Variants in STXBP5L observed in about 807,000 individuals in gnomAD.
The protein encoded by STXBP5L is syntaxin binding protein 5L, also known as syntaxin-binding protein 5-like.
In STXBP5L, 65 loss-of-function variants were observed where a neutral mutation model predicts 144.5. The observed-to-expected ratio is 0.45, with a 90% confidence interval of 0.37 to 0.55. The LOEUF is 0.55. Ranked by LOEUF, STXBP5L falls within the 20% of genes least tolerant of loss-of-function variation. The pLI is 0.00. For missense variants in STXBP5L, 1,298 were observed against 1,405.5 expected (o/e 0.92, Z 1.22); for synonymous variants, 505 against 469.6 (o/e 1.08, Z -0.97).
intron 2 of STXBP5L, among the ~76,000 whole-genome samples, chr3:120,909,971 T>C (rs1306661894): frequency 6.6e-6 from 1 of 152,154 alleles, no homozygotes; most frequent in African/African-American, 2.4e-5. Flanking sequence ...AAGTGGGAAA[T>C]GAGCACACAC....
Position 120,933,052 on chromosome 3 carries a change from T to TG in STXBP5L, c.190-21882dup, listed in dbSNP as rs1710040194. Among the ~76,000 whole-genome samples, 3 of 59,668 alleles carry TG rather than the reference T, an allele frequency of 5.0e-5. No individual in the cohort carries two copies. In the Admixed American group the frequency reaches 6.9e-4, roughly 14 times the overall value. 39.1% of individuals were successfully genotyped at this position (59,668 alleles called of 152,430 possible). A position where few individuals can be genotyped will look rare whatever the true frequency, so the allele number is the denominator to read the frequency against. ...TCACACACCAGGGCCTGTTGTGGGGTGGGGGGAGGGGGAGGGATAGCATTA... is the reference window on the plus strand; with the variant it reads ...TCACACACCAGGGCCTGTTGTGGGGTGGGGGGGAGGGGGAGGGATAGCATTA... On this transcript the variant is annotated intron_variant, in intron 2 of 26. Coordinates refer to ENST00000471454, the MANE Select transcript of STXBP5L (RefSeq NM_001308330.2).
intron 3 of STXBP5L, among the ~76,000 whole-genome samples, chr3:121,020,954 C>A (rs956245647): frequency 6.6e-6 from 1 of 151,862 alleles, no homozygotes; most frequent in African/African-American, 2.4e-5. Context: ...CCTAATTTCT[C>A]CACTTGAAAG....
intron 20 of STXBP5L, among the ~76,000 whole-genome samples, chr3:121,329,600 C>T (rs2044257818): frequency 6.6e-6 from 1 of 152,184 alleles, no homozygotes; most frequent in Non-Finnish European, 1.5e-5. Context: ...GTGGCCCATG[C>T]CTGTAATCCC....
At chr3:121,194,707 C>G (rs1390668011) in intron 9 of STXBP5L, among the ~76,000 whole-genome samples, 3 of 151,912 alleles carry the variant, frequency 2.0e-5, no homozygotes, top group African/African-American at 7.3e-5. Flanking sequence ...CTGGGCTATT[C>G]TTTGTGAGAG....
At chr3:121,361,231 G>T (rs1364080579) in intron 20 of STXBP5L, among the ~76,000 whole-genome samples, 1 of 152,028 alleles carries the variant, frequency 6.6e-6, no homozygotes, top group Non-Finnish European at 1.5e-5. Context: ...CTTTATCCTT[G>T]ACTTTTGGGA....
At chr3:121,200,831 C>T (rs537051463) in intron 9 of STXBP5L, among the ~76,000 whole-genome samples, 1 of 152,298 alleles carries the variant, frequency 6.6e-6, no homozygotes, top group East Asian at 1.9e-4. Context: ...AATTTGATTG[C>T]ACTGTGGTCT....
At position 121,239,086 on chromosome 3, in the gene STXBP5L, G is replaced by T. The variant is rs908739628; in HGVS notation, c.1300G>T (p.Val434Phe). 1 of 1,594,454 alleles carries T rather than the reference G, an allele frequency of 6.3e-7. No individual in the cohort carries two copies. Residue 434 changes from valine to phenylalanine, a missense_variant, in exon 13 of 27, where the codon GTC becomes TTC. Physicochemically the swap from Val to Phe is conservative, Grantham distance 50 (BLOSUM62 -1). Transcript: ENST00000471454. ...DLILVLYSIGVKHKKQGYSNK... is the reference protein window; with the variant it reads ...DLILVLYSIGFKHKKQGYSNK... The stretch of plus-strand genomic sequence containing the variant: ...GATTCTAGTACTGTATTCTATAGGA[G>T]TCAAGCATAAAAAACAAGGATACAG...
intron 20 of STXBP5L, among the ~76,000 whole-genome samples, chr3:121,351,353 G>C (rs976959897): frequency 1.3e-5 from 2 of 152,118 alleles, no homozygotes; most frequent in Middle Eastern, 3.2e-3. Context: ...GCCGTGTCAG[G>C]TGTCAGTCTG....
At chr3:121,403,326 G>T (rs540012844) in intron 22 of STXBP5L, among the ~76,000 whole-genome samples, 1 of 152,222 alleles carries the variant, frequency 6.6e-6, no homozygotes, top group South Asian at 2.1e-4. Flanking sequence ...AATGGATAGA[G>T]GCTTGTGTGA....
intron 3 of STXBP5L, among the ~76,000 whole-genome samples, chr3:120,985,091 G>T (rs1444312414): frequency 6.6e-6 from 1 of 151,922 alleles, no homozygotes; most frequent in Non-Finnish European, 1.5e-5. Context: ...TCATGCCAGT[G>T]TTCATAAGGG....
At chr3:121,274,562 C>G (rs1219842680) in intron 18 of STXBP5L, among the ~76,000 whole-genome samples, 2 of 152,230 alleles carry the variant, frequency 1.3e-5, no homozygotes, top group Non-Finnish European at 1.5e-5. Flanking sequence ...GGGATCCTGG[C>G]CACTGGTGCA....
intron 20 of STXBP5L, among the ~76,000 whole-genome samples, chr3:121,341,993 T>A (rs1463322535): frequency 1.3e-5 from 2 of 152,112 alleles, no homozygotes; most frequent in African/African-American, 4.8e-5. Context: ...ATAATATAAT[T>A]GGACTTTTTG....
intron 25 of STXBP5L, among the ~76,000 whole-genome samples, chr3:121,417,102 A>G (rs2047257077): frequency 6.6e-6 from 1 of 152,198 alleles, no homozygotes; most frequent in Admixed American, 6.5e-5. Context: ...ATTTATATAA[A>G]AGGTCTAGAA....
intron 7 of STXBP5L, among the ~76,000 whole-genome samples, chr3:121,150,100 C>T (rs2045877854): frequency 6.6e-6 from 1 of 151,934 alleles, no homozygotes; most frequent in Non-Finnish European, 1.5e-5. Context: ...GTCATGACTT[C>T]TAATTTTATT....
chr3:121,238,919 T>G (rs1396516813), intron 12 of STXBP5L, 52 bp from the exon 13 acceptor site: 3 of 1,431,322 alleles, frequency 2.1e-6, no homozygotes, highest in African/African-American at 1.5e-5. Flanking sequence ...CAAAATTATT[T>G]TCTGTTTTTT....
Position 121,206,003 on chromosome 3 carries a change from T to C in STXBP5L, c.956+2T>C. On this transcript the variant is annotated splice_donor_variant, in intron 10 of 26. Transcript: ENST00000471454. LOFTEE classifies it high-confidence loss of function. ...AGAATACAAGACCTGCAAAAACAGG[T>C]ATGCATTTTTACTTTAGGGAAAGAG... is the stretch of plus-strand genomic sequence containing the variant. 6.7e-7 allele frequency: 1 copy of C among 1,492,000 alleles called. No individual in the cohort carries two copies. The highest frequency in any genetic ancestry group is 8.9e-7 in the Non-Finnish European group (1 of 1,122,154). The allele number at this position is 1,492,000 out of a possible 1,614,324, so 92.4% of individuals were successfully genotyped here.
rs139305792 is a variant in STXBP5L, at chr3:121,255,016, C to T, written c.1563C>T (p.Tyr521=). The part of the protein sequence containing the change: ...EEDPFAIQMI[Y]WCPESRIFCV... ...ACCCATTTGCCATTCAGATGATTTA[C>T]TGGTGTCCAGAGAGCAGAATATTCT... The change falls in exon 16 of 27, where the codon TAC becomes TAT. Residue 521 remains tyrosine, a synonymous_variant. Coordinates refer to ENST00000471454, the MANE Select transcript of STXBP5L (RefSeq NM_001308330.2). 3,007 of 1,613,600 alleles carry T rather than the reference C, an allele frequency of 1.9e-3. 4 individuals carry two copies. Among genetic ancestry groups the T allele is most frequent in the Non-Finnish European group, 2.3e-3 (2,763 of 1,179,696 alleles).
chr3:121,393,746 A>G (rs1460348647), intron 22 of STXBP5L, among the ~76,000 whole-genome samples: 3 of 152,108 alleles, frequency 2.0e-5, no homozygotes, highest in African/African-American at 4.8e-5. Context: ...AGTTGTAGGT[A>G]TATAGTTTTA....
At chr3:121,151,331 A>G (rs183333759) in intron 7 of STXBP5L, among the ~76,000 whole-genome samples, 20 of 152,296 alleles carry the variant, frequency 1.3e-4, no homozygotes, top group African/African-American at 4.6e-4. Context: ...CATTTTTAAC[A>G]TTTATTGTGT....
Sources: gnomAD v4.1 joint callset for allele counts (sites outside exome capture counted in the v4.1 genomes callset) on GRCh38, gnomAD v4.1.1 for gene constraint, MANE v1.5 for transcripts, NCBI Gene and HGNC (gene_info 2026-07-23, HGNC 2026-07-21) for gene names.